Variants in ANP32B observed in about 807,000 individuals in gnomAD.
ANP32B encodes acidic nuclear phosphoprotein 32 family member B.
Under a neutral mutation model 32.2 loss-of-function variants are expected in ANP32B, and 6 were observed. The observed-to-expected ratio is 0.19, with a 90% CI of 0.10 to 0.37. The LOEUF (loss-of-function observed/expected upper bound fraction) is 0.37. Among genes scored for constraint, ANP32B ranks in the 10% least tolerant of loss-of-function variants. The probability of loss-of-function intolerance (pLI) is 1.00; values close to 1 mark genes in which losing one functional copy is unlikely to be tolerated. For missense variants in ANP32B, 204 were observed against 289.2 expected, an observed-to-expected ratio of 0.71 and a Z score of 2.14; for synonymous variants, 98 against 105.8, an observed-to-expected ratio of 0.93 and a Z score of 0.45.
chr9:97,983,404 TGCCCGCACGCC>T lies in ANP32B; in HGVS notation c.-145_-135del. On this transcript the variant is annotated 5_prime_UTR_variant, in exon 1 of 7. Coordinates refer to ENST00000339399, the MANE Select transcript of ANP32B (RefSeq NM_006401.3). ...CTTGGCTCCGGGGGCTCCGCTCGCC[TGCCCGCACGCC>T]GCCCGCCACCCAGGACCGCGCCGCC... 2 of 617,188 alleles carry T rather than the reference TGCCCGCACGCC, an allele frequency of 3.2e-6. No individual in the cohort carries two copies. The highest frequency in any genetic ancestry group is 5.5e-6 in the Non-Finnish European group (2 of 361,342). The allele number at this position is 617,188 out of a possible 1,614,324, so 38.2% of individuals were successfully genotyped here. A position where few individuals can be genotyped will look rare whatever the true frequency, so the allele number is the denominator to read the frequency against.
At chr9:97,986,667 C>A (rs1827740289) in intron 1 of ANP32B, 1 of 152,252 alleles carries the variant, frequency 6.6e-6, no homozygotes, top group South Asian at 2.1e-4. Context: ...TGTGCTGGAA[C>A]ATGCCATAAA....
chr9:98,003,348 G>C (rs1027167851), intron 3 of ANP32B, among the ~76,000 whole-genome samples: 3 of 152,158 alleles, frequency 2.0e-5, no homozygotes, highest in African/African-American at 7.2e-5. Context: ...ATGTGCAGGG[G>C]TCAGTAGCCC....
In ANP32B at chr9:97,994,693, T is replaced by A. The variant is rs188640709; in HGVS notation, c.117T>A (p.Ala39=). 109 of 1,612,664 alleles carry A rather than the reference T, an allele frequency of 6.8e-5. No individual in the cohort carries two copies. Among genetic ancestry groups the A allele is most frequent in the Admixed American group, 1.5e-4 (9 of 59,604 alleles). Residue 39 remains alanine (A), a synonymous_variant, in exon 2 of 7, where the codon GCT becomes GCA. Coordinates refer to ENST00000339399, the MANE Select transcript of ANP32B (RefSeq NM_006401.3). Reference sequence around the variant, plus strand: ...ATGGAAAAATTGAGGGCTTAACAGCTGAATTTGTGAACTTAGAGTTCCTCA... The same window carrying A: ...ATGGAAAAATTGAGGGCTTAACAGCAGAATTTGTGAACTTAGAGTTCCTCA... ...SNDGKIEGLT[A]EFVNLEFLSL...
chr9:97,993,873 T>C (rs1827866563), intron 1 of ANP32B, among the ~76,000 whole-genome samples: 1 of 152,192 alleles, frequency 6.6e-6, no homozygotes, highest in Non-Finnish European at 1.5e-5. Context: ...CCTCAGGTGA[T>C]CTGCCCACTT....
chr9:97,985,602 G>T (rs528286412), intron 1 of ANP32B, among the ~76,000 whole-genome samples: 1 of 152,182 alleles, frequency 6.6e-6, no homozygotes, highest in Non-Finnish European at 1.5e-5. Flanking sequence ...CAAAGTGCCC[G>T]CAAGAGAAGT....
chr9:97,984,789 A>G (rs1365203521), intron 1 of ANP32B: 5 of 145,500 alleles, frequency 3.4e-5, no homozygotes, highest in Non-Finnish European at 6.1e-5. Context: ...CGCGCTGCCG[A>G]CCCCCTCCCC....
chr9:98,012,924 G>C (rs868368030), intron 6 of ANP32B, among the ~76,000 whole-genome samples: 5 of 152,176 alleles, frequency 3.3e-5, no homozygotes, highest in Admixed American at 1.3e-4. Context: ...TAGAGACGGG[G>C]TTTCACCGTG....
intron 3 of ANP32B, among the ~76,000 whole-genome samples, chr9:98,000,783 G>A (rs1827976412): frequency 1.3e-5 from 2 of 151,946 alleles, no homozygotes; most frequent in African/African-American, 4.8e-5. Flanking sequence ...GTACCCAGGC[G>A]TGGTGGCAGG....
chr9:97,983,396 C>G lies in ANP32B; in HGVS notation c.-160C>G. The G allele has an allele frequency of 1.7e-6, 1 of 593,290 alleles. No homozygotes were observed. Among genetic ancestry groups the G allele is most frequent in the East Asian group, 3.3e-5 (1 of 30,222 alleles). The allele number at this position is 593,290 out of a possible 1,614,324, so 36.8% of individuals were successfully genotyped here. A position where few individuals can be genotyped will look rare whatever the true frequency, so the allele number is the denominator to read the frequency against. On this transcript the variant is annotated 5_prime_UTR_variant, in exon 1 of 7. Coordinates refer to ENST00000339399, the MANE Select transcript of ANP32B (RefSeq NM_006401.3). ...GTGAGTAACTTGGCTCCGGGGGCTC[C>G]GCTCGCCTGCCCGCACGCCGCCCGC...
intron 1 of ANP32B, among the ~76,000 whole-genome samples, chr9:97,985,004 T>C (rs1161620942): frequency 1.3e-5 from 2 of 149,800 alleles, no homozygotes; most frequent in Non-Finnish European, 3.0e-5. Context: ...TGGGCGTGGG[T>C]CCGACCTGTG....
intron 3 of ANP32B, among the ~76,000 whole-genome samples, chr9:98,002,052 C>T (rs898645712): frequency 5.9e-5 from 9 of 152,104 alleles, no homozygotes; most frequent in Admixed American, 3.3e-4. Flanking sequence ...AGATTCCTGG[C>T]GGTGCTAGGT....
At chr9:98,005,183 A>C (rs771129360) in intron 4 of ANP32B, 30 bp downstream of exon 4, 1 of 1,598,514 alleles carries the variant, frequency 6.3e-7, no homozygotes, top group Admixed American at 1.7e-5. Context: ...GGTGAACCTG[A>C]TGTCTGCCTT....
intron 4 of ANP32B, among the ~76,000 whole-genome samples, chr9:98,010,842 T>A (rs929781836): frequency 3.3e-5 from 1 of 30,198 alleles, no homozygotes; most frequent in Non-Finnish European, 6.1e-5. Flanking sequence ...GGTACATGAT[T>A]TTTTTTTTTT....
At chr9:98,005,177 A>G in intron 4 of ANP32B, 24 bp downstream of exon 4, 2 of 1,604,056 alleles carry the variant, frequency 1.2e-6, no homozygotes, top group Non-Finnish European at 1.7e-6. Context: ...GCATCTGGTG[A>G]ACCTGATGTC....
chr9:98,003,148 C>T (rs1331194969), intron 3 of ANP32B, among the ~76,000 whole-genome samples: 1 of 152,304 alleles, frequency 6.6e-6, no homozygotes, highest in East Asian at 1.9e-4. Flanking sequence ...GGGCTGGGGA[C>T]AGCTTTCTTA....
intron 1 of ANP32B, among the ~76,000 whole-genome samples, chr9:97,994,402 C>T (rs569856267): frequency 2.0e-5 from 3 of 152,282 alleles, no homozygotes; most frequent in East Asian, 1.9e-4. Context: ...AAACAAAGAG[C>T]GTAAGTGTTT....
chr9:98,011,008 A>G (rs1315754491), intron 4 of ANP32B, among the ~76,000 whole-genome samples: 1 of 152,114 alleles, frequency 6.6e-6, no homozygotes, highest in Non-Finnish European at 1.5e-5. Context: ...CACTCCATAT[A>G]ATTTTGAAGC....
At chr9:97,994,608 C>G (rs1223596530) in intron 1 of ANP32B, 23 bp from the exon 2 acceptor site, 1 of 1,548,856 alleles carries the variant, frequency 6.5e-7, no homozygotes, top group Non-Finnish European at 8.7e-7. Context: ...GAGAGCTTAT[C>G]CTTTTTTCTT....
At position 98,010,412 on chromosome 9, in the gene ANP32B, A is replaced by G. The variant is rs924482189; in HGVS notation, c.518-859A>G. Among the ~76,000 whole-genome samples, 3 of 151,990 alleles carry G rather than the reference A, an allele frequency of 2.0e-5. No individual in the cohort carries two copies. In the South Asian group the frequency reaches 6.2e-4, roughly 32 times the overall value. On this transcript the variant is annotated intron_variant, in intron 4 of 6. Transcript: ENST00000339399. ...AGCCTGGGCAACATAGACAAACCCT[A>G]TCTGTACAGAAAAAATTGTTTTAAA...
Sources: gnomAD v4.1 joint callset for allele counts (sites outside exome capture counted in the v4.1 genomes callset) on GRCh38, gnomAD v4.1.1 for gene constraint, MANE v1.5 for transcripts, NCBI Gene and HGNC (gene_info 2026-07-23, HGNC 2026-07-21) for gene names.